EIF2B3: variants seen among roughly 807,000 people sequenced by gnomAD.
EIF2B3 encodes eukaryotic translation initiation factor 2B subunit gamma.
In EIF2B3, 20 loss-of-function variants were observed where a neutral mutation model predicts 54.1. The ratio of observed to expected loss-of-function variants is 0.37; its 90% confidence interval spans 0.26 to 0.54. EIF2B3 has a LOEUF of 0.54. Among genes scored for constraint, EIF2B3 ranks in the 20% least tolerant of loss-of-function variants. The pLI is 0.86. For missense variants in EIF2B3, 448 were observed against 547.8 expected, an observed-to-expected ratio of 0.82 and a Z score of 1.82; for synonymous variants, 153 against 188.1, an observed-to-expected ratio of 0.81 and a Z score of 1.52.
intron 5 of EIF2B3, chr1:44,925,374 T>C (rs1275298423): frequency 6.6e-6 from 1 of 152,212 alleles, no homozygotes; most frequent in African/African-American, 2.4e-5. Context: ...CGAAATCCGT[T>C]ATATGCTACG....
At chr1:44,969,018 C>T (rs763227768) in intron 3 of EIF2B3, among the ~76,000 whole-genome samples, 12 of 152,060 alleles carry the variant, frequency 7.9e-5, no homozygotes, top group Non-Finnish European at 1.5e-4. Flanking sequence ...ACATTATATG[C>T]GCCCTCCTTT....
At chr1:44,868,457 C>G (rs1232545541) in intron 10 of EIF2B3, among the ~76,000 whole-genome samples, 1 of 149,230 alleles carries the variant, frequency 6.7e-6, no homozygotes, top group African/African-American at 2.5e-5. Context: ...ATGGTTTCCT[C>G]GCCAAGTCTC....
intron 4 of EIF2B3, among the ~76,000 whole-genome samples, chr1:44,936,284 A>G (rs1189428458): frequency 6.6e-6 from 1 of 151,948 alleles, no homozygotes; most frequent in Non-Finnish European, 1.5e-5. Flanking sequence ...GAATCACTAG[A>G]AAAGTTACAT....
intron 5 of EIF2B3, among the ~76,000 whole-genome samples, chr1:44,912,041 A>AT (rs1429490414): frequency 6.6e-6 from 1 of 151,134 alleles, no homozygotes; most frequent in Non-Finnish European, 1.5e-5. Flanking sequence ...TGAACTCATC[A>AT]TTTTTTATGG....
chr1:44,948,382 A>G (rs1644125590), intron 3 of EIF2B3, among the ~76,000 whole-genome samples: 2 of 151,954 alleles, frequency 1.3e-5, no homozygotes, highest in Admixed American at 1.3e-4. Context: ...AGGTCTCAAA[A>G]TCTTCTTCCA....
chr1:44,960,506 G>A (rs1374824829), intron 3 of EIF2B3, among the ~76,000 whole-genome samples: 1 of 152,068 alleles, frequency 6.6e-6, no homozygotes, highest in African/African-American at 2.4e-5. Flanking sequence ...AGGCGAGGTG[G>A]CGGGCGCCTG....
chr1:44,961,187 A>G (rs1332777503), intron 3 of EIF2B3, among the ~76,000 whole-genome samples: 1 of 151,758 alleles, frequency 6.6e-6, no homozygotes, highest in African/African-American at 2.4e-5. Flanking sequence ...AATAAAAAAA[A>G]GATCAGCTGG....
chr1:44,862,845 C>T (rs1267768550), intron 10 of EIF2B3, among the ~76,000 whole-genome samples: 1 of 152,178 alleles, frequency 6.6e-6, no homozygotes, highest in East Asian at 1.9e-4. Context: ...GATCTACCCG[C>T]CTCAGCCTCC....
At chr1:44,915,523 A>C (rs879511760) in intron 5 of EIF2B3, among the ~76,000 whole-genome samples, 14 of 151,916 alleles carry the variant, frequency 9.2e-5, no homozygotes, top group African/African-American at 2.9e-4. Context: ...TGCCATGCCC[A>C]GCGAATTAAA....
chr1:44,945,632 G>A (rs1478285403), intron 3 of EIF2B3, among the ~76,000 whole-genome samples: 2 of 148,770 alleles, frequency 1.3e-5, no homozygotes, highest in East Asian at 3.9e-4. Context: ...CATGCAGGAA[G>A]CAGCAAACGT....
rs1293328955 is a variant in EIF2B3, at chr1:44,953,945, C to A, written c.295-12280G>T. Among the ~76,000 whole-genome samples, 3 of 152,050 alleles carry A rather than the reference C, an allele frequency of 2.0e-5. No individual in the cohort carries two copies. The East Asian group carries it at 5.8e-4, about 29-fold the overall frequency. On this transcript the variant is annotated intron_variant, in intron 3 of 11. Coordinates refer to ENST00000360403, the MANE Select transcript of EIF2B3 (RefSeq NM_020365.5). ...TTCTATGCTGTATGCAAGAGACAGA[C>A]CTAAATCAGAGATTTAGAAACGCTA...
intron 5 of EIF2B3, among the ~76,000 whole-genome samples, chr1:44,904,022 A>C (rs2148918449): frequency 6.6e-6 from 1 of 152,304 alleles, no homozygotes; most frequent in Middle Eastern, 3.4e-3. Context: ...GGTTGCAATG[A>C]GCTGAGATCA....
chr1:44,935,646 T>C (rs1420036166), intron 4 of EIF2B3, among the ~76,000 whole-genome samples: 4 of 152,100 alleles, frequency 2.6e-5, no homozygotes, highest in Non-Finnish European at 4.4e-5. Flanking sequence ...ACTACAGGCA[T>C]GTGCCACCAC....
chr1:44,948,960 C>T (rs567368354), intron 3 of EIF2B3, among the ~76,000 whole-genome samples: 1 of 152,222 alleles, frequency 6.6e-6, no homozygotes, highest in South Asian at 2.1e-4. Context: ...CTCCGCCCCC[C>T]GAGGTTCAAG....
intron 5 of EIF2B3, among the ~76,000 whole-genome samples, chr1:44,917,859 C>T (rs1289427934): frequency 2.7e-5 from 4 of 145,594 alleles, no homozygotes; most frequent in Non-Finnish European, 4.5e-5. Context: ...CTGCAAGCTC[C>T]GCCTCCCGGG....
At chr1:44,880,186 G>A (rs1022722683) in intron 7 of EIF2B3, among the ~76,000 whole-genome samples, 178 bp from the exon 8 acceptor site, 5 of 152,144 alleles carry the variant, frequency 3.3e-5, no homozygotes, top group Non-Finnish European at 7.3e-5. Context: ...GAGCAGCTGG[G>A]ACTACAGGTG....
At chr1:44,887,901 C>A (rs538465605) in intron 6 of EIF2B3, among the ~76,000 whole-genome samples, 2 of 150,930 alleles carry the variant, frequency 1.3e-5, no homozygotes, top group Admixed American at 1.3e-4. Context: ...CTGTCTCCCC[C>A]CAAAAAAAAA....
At chr1:44,852,135 T>G (rs1392475786) in intron 11 of EIF2B3, among the ~76,000 whole-genome samples, 2 of 147,086 alleles carry the variant, frequency 1.4e-5, no homozygotes, top group African/African-American at 5.0e-5. Flanking sequence ...TTTTTTTTTT[T>G]GTATTTTTAG....
chr1:44,928,199 C>T (rs368886080), intron 4 of EIF2B3, among the ~76,000 whole-genome samples: 1 of 152,120 alleles, frequency 6.6e-6, no homozygotes, highest in African/African-American at 2.4e-5. Flanking sequence ...AATCCCAGCA[C>T]TTTGGGAGGC....
Sources: allele counts gnomAD v4.1 joint callset (sites outside exome capture counted in the v4.1 genomes callset), GRCh38; gene constraint gnomAD v4.1.1; transcripts MANE v1.5; gene names NCBI Gene and HGNC (gene_info 2026-07-23, HGNC 2026-07-21).